Variants in FBXO6 observed in about 807,000 individuals in gnomAD.
FBXO6 encodes the protein F-box only protein 6.
In FBXO6, 13 loss-of-function variants were observed where a neutral mutation model predicts 25.0. That is an observed-to-expected ratio of 0.52 (90% CI 0.34 to 0.83). FBXO6 has a LOEUF of 0.83. FBXO6 is among the 40% of genes least tolerant of loss of function. The pLI, the probability that FBXO6 is intolerant of heterozygous loss-of-function variation, is 0.02. For synonymous variants in FBXO6, 138 were observed against 155.3 expected, an observed-to-expected ratio of 0.89 and a Z score of 0.83; for missense variants, 370 against 380.2, an observed-to-expected ratio of 0.97 and a Z score of 0.22.
intron 2 of FBXO6, among the ~76,000 whole-genome samples, chr1:11,670,990 A>T (rs1640601272): frequency 6.6e-6 from 1 of 152,070 alleles, no homozygotes; most frequent in African/African-American, 2.4e-5. Context: ...ACAGTTGGGA[A>T]TGTGTTGGAG....
At chr1:11,671,560 G>A (rs1640616229) in intron 3 of FBXO6, among the ~76,000 whole-genome samples, 168 bp downstream of exon 3, 1 of 152,224 alleles carries the variant, frequency 6.6e-6, no homozygotes, top group African/African-American at 2.4e-5. Flanking sequence ...ACTCAGTGCT[G>A]TGTTAATGGA....
Position 11,671,341 on chromosome 1 carries a change from G to A in FBXO6, c.362G>A (p.Gly121Glu), listed in dbSNP as rs1640610927. 1 of 1,614,080 alleles carries A rather than the reference G, an allele frequency of 6.2e-7. No homozygotes were observed. The highest frequency in any genetic ancestry group is 1.3e-5 in the African/African-American group (1 of 75,032). Reference protein sequence around the residue: ...WKVESLPGAHGTDFPDPKVKK... With the variant: ...WKVESLPGAHETDFPDPKVKK... ...GTGGAGAGCCTCCCTGGAGCCCACGGGACAGATTTTCCTGACCCCAAAGTC... is the reference window on the plus strand; with the variant it reads ...GTGGAGAGCCTCCCTGGAGCCCACGAGACAGATTTTCCTGACCCCAAAGTC... Residue 121 changes from glycine (G) to glutamate (E), a missense_variant, in exon 3 of 6, where the codon GGG (glycine) becomes GAG (glutamate). Gly to Glu is a moderately conservative substitution (Grantham distance 98). Transcript: ENST00000376753.
chr1:11,670,795 T>C (rs761632803), intron 2 of FBXO6, among the ~76,000 whole-genome samples: 1 of 152,130 alleles, frequency 6.6e-6, no homozygotes, highest in African/African-American at 2.4e-5. Context: ...CACAGGCCTC[T>C]CGTAATTTTT....
At chr1:11,672,084 G>A (rs1640634601) in intron 4 of FBXO6, 61 bp downstream of exon 4, 1 of 1,452,532 alleles carries the variant, frequency 6.9e-7, no homozygotes, top group African/African-American at 1.4e-5. Flanking sequence ...TGCGCTGCAT[G>A]TACGTGAGAC....
In FBXO6 at chr1:11,673,224, C is replaced by T; in HGVS notation, c.510-53C>T. 1 of 1,565,988 alleles carries T rather than the reference C, an allele frequency of 6.4e-7. No homozygotes were observed. The highest frequency in any genetic ancestry group is 2.3e-5 in the East Asian group (1 of 44,424). On this transcript the variant is annotated intron_variant, in intron 4 of 5. Coordinates refer to ENST00000376753, the MANE Select transcript of FBXO6 (RefSeq NM_018438.6). The surrounding 1 kb of genome is among the most constrained non-coding windows in gnomAD (Gnocchi z 4.3). Reference sequence around the variant, plus strand: ...TGTATAGGTCCCACCTGCCCCCACCCCTGGGGCCAGCCCTCGGTGGCTTGG... The same window carrying T: ...TGTATAGGTCCCACCTGCCCCCACCTCTGGGGCCAGCCCTCGGTGGCTTGG...
Position 11,673,782 on chromosome 1 carries a change from G to A in FBXO6, c.813G>A (p.Gln271=). The A allele has an allele frequency of 6.2e-7, 1 of 1,614,144 alleles. No individual in the cohort carries two copies. Among genetic ancestry groups the A allele is most frequent in the Non-Finnish European group, 8.5e-7 (1 of 1,180,036 alleles). Residue 271 remains glutamine (Q), a synonymous_variant, in exon 6 of 6, where the codon CAG becomes CAA. Transcript: ENST00000376753. This position sits in a 1 kb window ranked among gnomAD's most constrained non-coding sequence, Gnocchi z 4.3. Reference sequence around the variant, plus strand: ...GGAACCAGGCCTCCTCCGAGGCTCAGCCTGGGCAGAAGCATGGACAGGAGG... The same window carrying A: ...GGAACCAGGCCTCCTCCGAGGCTCAACCTGGGCAGAAGCATGGACAGGAGG... The part of the protein sequence containing the change: ...MTRNQASSEA[Q]PGQKHGQEEA...
At position 11,672,055 on chromosome 1, in the gene FBXO6, C is replaced by T. The variant is rs1165842465; in HGVS notation, c.509+32C>T. 2.6e-6 allele frequency: 4 copies of T among 1,555,512 alleles called. No homozygotes were observed. In the African/African-American group the frequency reaches 4.1e-5, roughly 16 times the overall value. On this transcript the variant is annotated intron_variant, in intron 4 of 5. Transcript: ENST00000376753. ...AGGGTCCATGGCCTGTGTCCCCACA[C>T]TCTACATGCTCCTCTTACTGCGCTG...
chr1:11,666,796 G>A (rs1351432033), intron 1 of FBXO6, among the ~76,000 whole-genome samples: 1 of 152,144 alleles, frequency 6.6e-6, no homozygotes, highest in Non-Finnish European at 1.5e-5. Flanking sequence ...TGAGATGGGA[G>A]CCTTCAGAAG....
At chr1:11,667,268 C>T (rs1051667843) in intron 1 of FBXO6, among the ~76,000 whole-genome samples, 4 of 152,174 alleles carry the variant, frequency 2.6e-5, no homozygotes, top group African/African-American at 9.7e-5. Flanking sequence ...GTGCAGAGCC[C>T]TGGCTGCCGG....
intron 1 of FBXO6, among the ~76,000 whole-genome samples, chr1:11,668,091 CA>C (rs371283288): frequency 4.4e-4 from 54 of 122,370 alleles, no homozygotes; most frequent in Non-Finnish European, 4.6e-4. Flanking sequence ...GACTCTGTCT[CA>C]AAAAAAAAAA....
In FBXO6 at chr1:11,673,404, T is replaced by C. The variant is rs1278131397; in HGVS notation, c.637T>C (p.Trp213Arg). 1 of 1,613,740 alleles carries C rather than the reference T, an allele frequency of 6.2e-7. No individual in the cohort carries two copies. The highest frequency in any genetic ancestry group is 1.3e-5 in the African/African-American group (1 of 74,936). ...CATCCAACAGTGGAACAATGCCACA[T>C]GGACAGAGGTGAGGCCTCACCCACT... ...VTIQQWNNATWTEVSYTFSDY... is the reference protein window; with the variant it reads ...VTIQQWNNATRTEVSYTFSDY... The change falls in exon 5 of 6, where the codon TGG becomes CGG. Residue 213 changes from tryptophan to arginine, a missense_variant. By Grantham distance (101) the Trp-to-Arg change is moderately radical. Coordinates refer to ENST00000376753, the MANE Select transcript of FBXO6 (RefSeq NM_018438.6). This position sits in a 1 kb window ranked among gnomAD's most constrained non-coding sequence, Gnocchi z 4.3.
At chr1:11,669,069 G>A in intron 2 of FBXO6, 125 bp downstream of exon 2, 1 of 1,273,506 alleles carries the variant, frequency 7.9e-7, no homozygotes, top group Non-Finnish European at 1.1e-6. Flanking sequence ...TCACTTCCTT[G>A]GTTCCTTCTC....
Position 11,671,329 on chromosome 1 carries a change from C to T in FBXO6, c.350C>T (p.Pro117Leu). The change falls in exon 3 of 6, where the codon CCT becomes CTT. Residue 117 changes from proline to leucine, a missense_variant. Pro to Leu is a moderately conservative substitution (Grantham distance 98). Coordinates refer to ENST00000376753, the MANE Select transcript of FBXO6 (RefSeq NM_018438.6). Reference protein sequence around the residue: ...GGDRWKVESLPGAHGTDFPDP... With the variant: ...GGDRWKVESLLGAHGTDFPDP... ...GACCGCTGGAAGGTGGAGAGCCTCC[C>T]TGGAGCCCACGGGACAGATTTTCCT... The T allele has an allele frequency of 6.2e-7, 1 of 1,614,154 alleles. No homozygotes were observed. Among genetic ancestry groups the T allele is most frequent in the Non-Finnish European group, 8.5e-7 (1 of 1,180,008 alleles).
intron 2 of FBXO6, 55 bp from the exon 3 acceptor site, chr1:11,671,211 G>A: frequency 6.3e-7 from 1 of 1,596,046 alleles, no homozygotes; most frequent in Non-Finnish European, 8.6e-7. Flanking sequence ...TAAGTGGGGA[G>A]GGCTGGACTT....
chr1:11,667,395 C>T (rs1021203577), intron 1 of FBXO6, among the ~76,000 whole-genome samples: 1 of 152,144 alleles, frequency 6.6e-6, no homozygotes, highest in African/African-American at 2.4e-5. Context: ...TTCCAGAACC[C>T]GTGCGCAGTG....
intron 3 of FBXO6, 65 bp downstream of exon 3, chr1:11,671,457 G>A: frequency 6.3e-7 from 1 of 1,578,890 alleles, no homozygotes; most frequent in Non-Finnish European, 8.7e-7. Context: ...CCTTTGCCAA[G>A]TCTCAGGCAA....
intron 1 of FBXO6, among the ~76,000 whole-genome samples, chr1:11,666,599 G>A (rs1487913816): frequency 6.6e-6 from 1 of 151,900 alleles, no homozygotes; most frequent in African/African-American, 2.4e-5. Flanking sequence ...GGCCAGGCTG[G>A]TCTCGAACTT....
chr1:11,669,019 C>T, intron 2 of FBXO6, 75 bp downstream of exon 2: 1 of 1,542,604 alleles, frequency 6.5e-7, no homozygotes, highest in East Asian at 2.3e-5. Context: ...CTTGCAATTC[C>T]CACACTACCT....
intron 1 of FBXO6, among the ~76,000 whole-genome samples, chr1:11,666,882 T>C (rs1465143918): frequency 6.6e-6 from 1 of 152,052 alleles, no homozygotes; most frequent in Non-Finnish European, 1.5e-5. Flanking sequence ...GTACAGTGGC[T>C]CACACCTGTA....
Sources: gnomAD v4.1 joint callset for allele counts (sites outside exome capture counted in the v4.1 genomes callset) on GRCh38, gnomAD v4.1.1 for gene constraint, Gnocchi (gnomAD v3.1) non-coding constraint, MANE v1.5 for transcripts, NCBI Gene and HGNC (gene_info 2026-07-23, HGNC 2026-07-21) for gene names.